Variants in ABCB4 observed in about 807,000 individuals in gnomAD.
ABCB4 encodes the protein ATP binding cassette subfamily B member 4.
Under a neutral mutation model 145.7 loss-of-function variants are expected in ABCB4, and 76 were observed. That is an observed-to-expected ratio of 0.52 (90% confidence interval 0.43 to 0.63). The LOEUF (loss-of-function observed/expected upper bound fraction) is 0.63. Ranked by LOEUF, ABCB4 falls within the 30% of genes least tolerant of loss-of-function variation. ABCB4 has a pLI of 0.00. For missense variants in ABCB4, 1,234 were observed against 1,553.1 expected (o/e 0.79, Z 3.45); for synonymous variants, 517 against 566.8 (o/e 0.91, Z 1.25).
intron 15 of ABCB4, 24 bp from the exon 16 acceptor site, chr7:87,426,944 A>AGTGCGTGT (rs1554403495): frequency 1.8e-4 from 187 of 1,033,064 alleles, no homozygotes; most frequent in Non-Finnish European, 2.6e-4. Context: ...AAGACATTAA[A>AGTGCGTGT]GTGTGTGTGT....
chr7:87,371,661 T>C, the ABCB4 span, among the ~76,000 whole-genome samples: 6 of 152,168 alleles, frequency 3.9e-5, no homozygotes, highest in African/African-American at 1.4e-4. Context: ...CCACTTCTCC[T>C]AATCATTGTT....
rs1811394816 is a variant in ABCB4 at position 87,447,084 on chromosome 7, C to A, written c.955G>T (p.Gly319Ter). The A allele has an allele frequency of 6.2e-7, 1 of 1,613,818 alleles. No homozygotes were observed. The highest frequency in any genetic ancestry group is 8.5e-7 in the Non-Finnish European group (1 of 1,179,874). Residue 319 changes from glycine to a stop codon, truncating the protein, a stop_gained, in exon 9 of 28, where the codon GGA (glycine) becomes TGA (stop). Transcript: ENST00000649586. LOFTEE classifies it high-confidence loss of function. ...TCTTTTGATATGACTAGAGTGGATC[C>A]ATACCAGAAGGCCAGTGCATATGAT... ...YASYALAFWY[G>*]STLVISKEYT... is the part of the protein sequence containing the mutation.
chr7:87,475,272 C>G lies in ABCB4; in HGVS notation c.80+114G>C, dbSNP rs45619531. The G allele has an allele frequency of 0.011, 13,563 of 1,290,728 alleles. 107 individuals are homozygous for G. Among genetic ancestry groups the G allele is most frequent in the Non-Finnish European group, 0.013 (11,659 of 889,350 alleles). 80.0% of individuals were successfully genotyped at this position (1,290,728 alleles called of 1,614,324 possible). A position where few individuals can be genotyped will look rare whatever the true frequency, so the allele number is the denominator to read the frequency against. ...GATGCAAGACCCTTCAAAGAAGCCT[C>G]CAAAACAAAGGTCTTCAAAGGCATC... On this transcript the variant is annotated intron_variant, in intron 2 of 27. Transcript: ENST00000649586.
At chr7:87,394,843 G>T in the ABCB4 span, among the ~76,000 whole-genome samples, 1 of 152,156 alleles carries the variant, frequency 6.6e-6, no homozygotes, top group African/African-American at 2.4e-5. Flanking sequence ...GATAATTTTA[G>T]AAAGAGGTTT....
At chr7:87,464,050 C>G (rs1224131161) in intron 3 of ABCB4, among the ~76,000 whole-genome samples, 1 of 151,980 alleles carries the variant, frequency 6.6e-6, no homozygotes, top group African/African-American at 2.4e-5. Flanking sequence ...ATGCTTTACT[C>G]TGCCCATTCC....
chr7:87,429,170 C>T (rs1810035401), intron 15 of ABCB4, among the ~76,000 whole-genome samples: 1 of 152,172 alleles, frequency 6.6e-6, no homozygotes, highest in Non-Finnish European at 1.5e-5. Flanking sequence ...TCTCTCCAGC[C>T]TCACCAAGTA....
rs1261544741 is a variant in ABCB4, at chr7:87,440,505, G to A, written c.1357-103C>T. 5.1e-6 allele frequency: 5 copies of A among 980,904 alleles called. No individual in the cohort carries two copies. The African/African-American group carries it at 8.2e-5, about 16-fold the overall frequency. 60.8% of individuals were successfully genotyped at this position (980,904 alleles called of 1,614,324 possible). A position where few individuals can be genotyped will look rare whatever the true frequency, so the allele number is the denominator to read the frequency against. ...CCTACCTAATATTTAACTTGGTTCA[G>A]TGTTTAGAAATAATAATTAGAAATA... On this transcript the variant is annotated intron_variant, in intron 12 of 27. Coordinates refer to ENST00000649586, the MANE Select transcript of ABCB4 (RefSeq NM_000443.4).
chr7:87,444,976 C>A lies in ABCB4; in HGVS notation c.1006-1G>T, dbSNP rs772823352. 3 of 1,592,988 alleles carry A rather than the reference C, an allele frequency of 1.9e-6. No individual in the cohort carries two copies. In the African/African-American group the frequency reaches 4.0e-5, roughly 21 times the overall value. Reference sequence around the variant, plus strand: ...CTCCAATTAGGATTGAAAAAAAAACCTGAGCAAAATAACATGAGGAAAAGT... The same window carrying A: ...CTCCAATTAGGATTGAAAAAAAAACATGAGCAAAATAACATGAGGAAAAGT... On this transcript the variant is annotated splice_acceptor_variant, in intron 9 of 27. Transcript: ENST00000649586. LOFTEE classifies it high-confidence loss of function.
intron 26 of ABCB4, 53 bp from the exon 27 acceptor site, chr7:87,403,334 G>C: frequency 6.7e-7 from 1 of 1,492,828 alleles, no homozygotes; most frequent in Admixed American, 1.7e-5. Flanking sequence ...CTTAACAGTT[G>C]ACAGTTCTAT....
At chr7:87,378,542 T>C in the ABCB4 span, among the ~76,000 whole-genome samples, 1 of 152,216 alleles carries the variant, frequency 6.6e-6, no homozygotes, top group African/African-American at 2.4e-5. Context: ...TGCTTTCTTT[T>C]GTTTGGCCTC....
intron 16 of ABCB4, among the ~76,000 whole-genome samples, chr7:87,424,867 T>A (rs546350241): frequency 3.3e-5 from 5 of 152,290 alleles, no homozygotes; most frequent in African/African-American, 4.8e-5. Context: ...TCATAAAGAA[T>A]GTTTTGATGA....
downstream of ABCB4, among the ~76,000 whole-genome samples, chr7:87,401,012 C>T (rs115478104): frequency 7.0e-4 from 107 of 152,256 alleles, no homozygotes; most frequent in African/African-American, 2.5e-3. Context: ...ATTTTGTTTA[C>T]GAATAGATGC....
intron 17 of ABCB4, among the ~76,000 whole-genome samples, chr7:87,423,304 T>G (rs914369989): frequency 9.9e-5 from 15 of 152,244 alleles, no homozygotes; most frequent in Non-Finnish European, 1.5e-4. Context: ...GTTTTCTTTC[T>G]TAGTCTTGGA....
At chr7:87,400,107 T>C (rs923060057), downstream of ABCB4, among the ~76,000 whole-genome samples, 1 of 152,162 alleles carries the variant, frequency 6.6e-6, no homozygotes, top group Non-Finnish European at 1.5e-5. Flanking sequence ...AGTGAGAGTG[T>C]TCTGAGAGGT....
intron 21 of ABCB4, among the ~76,000 whole-genome samples, chr7:87,415,894 C>T (rs1808937135): frequency 6.6e-6 from 1 of 152,202 alleles, no homozygotes; most frequent in Admixed American, 6.5e-5. Context: ...ACTGACCATT[C>T]TCCCATATGA....
At chr7:87,391,788 A>C in the ABCB4 span, 2 of 1,413,466 alleles carry the variant, frequency 1.4e-6, no homozygotes, top group Non-Finnish European at 1.9e-6. Flanking sequence ...TGAGTAACTA[A>C]CTTCTTTGCT....
the ABCB4 span, among the ~76,000 whole-genome samples, chr7:87,390,291 T>C: frequency 6.6e-6 from 1 of 152,228 alleles, no homozygotes; most frequent in African/African-American, 2.4e-5. Context: ...GCATCTATTA[T>C]AAAAAGTTTA....
intron 3 of ABCB4, among the ~76,000 whole-genome samples, chr7:87,465,623 C>T (rs113548800): frequency 2.1e-4 from 32 of 152,276 alleles, no homozygotes; most frequent in African/African-American, 6.7e-4. Flanking sequence ...CCCTGACCCC[C>T]GAGTAGCCTA....
At chr7:87,393,019 C>T in the ABCB4 span, 6 of 1,613,488 alleles carry the variant, frequency 3.7e-6, no homozygotes, top group African/African-American at 1.3e-5. Context: ...GTGGTAGTTC[C>T]CATGGTACAC....
Sources: gnomAD v4.1 joint callset for allele counts (sites outside exome capture counted in the v4.1 genomes callset) on GRCh38, gnomAD v4.1.1 for gene constraint, MANE v1.5 for transcripts, NCBI Gene and HGNC (gene_info 2026-07-23, HGNC 2026-07-21) for gene names.